The following CIMIP4 variants were observed in gnomAD, a reference collection of about 807,000 sequenced individuals.
CIMIP4 encodes protein EAN57.
chr22:36,991,420 C>T, the CIMIP4 span: 417,593 of 1,580,000 alleles, frequency 0.26, 56,961 homozygotes, highest in Middle Eastern at 0.31. Context: ...CCCTTAGAGC[C>T]AACACACCCT....
At chr22:37,004,439 C>T in the CIMIP4 span, among the ~76,000 whole-genome samples, 2 of 152,190 alleles carry the variant, frequency 1.3e-5, no homozygotes, top group African/African-American at 2.4e-5. Context: ...CTGTGAAGCC[C>T]ATTGCCCCGG....
the CIMIP4 span, chr22:36,999,905 T>A: frequency 5.6e-6 from 9 of 1,613,878 alleles, no homozygotes; most frequent in Non-Finnish European, 7.6e-6. Context: ...GGAGGAGATT[T>A]CCACAGGATT....
chr22:36,993,361 G>T, the CIMIP4 span, among the ~76,000 whole-genome samples: 1 of 152,050 alleles, frequency 6.6e-6, no homozygotes, highest in Non-Finnish European at 1.5e-5. Context: ...CAAATGCCTA[G>T]ATTAACTTTA....
At chr22:36,999,537 GGA>G in the CIMIP4 span, among the ~76,000 whole-genome samples, 2 of 42,754 alleles carry the variant, frequency 4.7e-5, no homozygotes, top group Non-Finnish European at 8.4e-5. Context: ...GGAGGGGAGG[GGA>G]GGGGAGGGGA....
the CIMIP4 span, among the ~76,000 whole-genome samples, chr22:36,993,311 A>C: frequency 2.0e-5 from 3 of 152,276 alleles, no homozygotes; most frequent in Admixed American, 6.5e-5. Flanking sequence ...CGCCCAGCCA[A>C]AGTTAAAGCC....
At chr22:37,002,212 G>A in the CIMIP4 span, 2 of 1,474,822 alleles carry the variant, frequency 1.4e-6, no homozygotes, top group South Asian at 1.4e-5. Context: ...TGAACTTGGA[G>A]GTGTCCAAGG....
At chr22:37,002,199 TC>T in the CIMIP4 span, 3 of 1,481,226 alleles carry the variant, frequency 2.0e-6, no homozygotes, top group Middle Eastern at 1.8e-4. Flanking sequence ...AGACCCTGGT[TC>T]TTGAACTTGG....
At chr22:37,005,559 T>G in the CIMIP4 span, among the ~76,000 whole-genome samples, 2 of 151,958 alleles carry the variant, frequency 1.3e-5, no homozygotes, top group Non-Finnish European at 2.9e-5. Flanking sequence ...AACAGTTTTT[T>G]TTTTTTTTTA....
chr22:37,003,777 A>T, the CIMIP4 span, among the ~76,000 whole-genome samples: 2 of 152,066 alleles, frequency 1.3e-5, no homozygotes, highest in Non-Finnish European at 2.9e-5. Context: ...AGGGCTCAGT[A>T]ATTCCGTTCC....
At chr22:37,007,765 A>G in the CIMIP4 span, 1 of 152,268 alleles carries the variant, frequency 6.6e-6, no homozygotes, top group Non-Finnish European at 1.5e-5. Context: ...GAAACACGTG[A>G]ACCACACTGA....
chr22:37,001,054 G>A, the CIMIP4 span, among the ~76,000 whole-genome samples: 15 of 152,110 alleles, frequency 9.9e-5, no homozygotes, highest in Non-Finnish European at 1.8e-4. Context: ...GTTGCTATGA[G>A]GGTTGAGATG....
At chr22:36,997,058 ATGCCTGAGCTC>A in the CIMIP4 span, among the ~76,000 whole-genome samples, 1 of 152,202 alleles carries the variant, frequency 6.6e-6, no homozygotes, top group Non-Finnish European at 1.5e-5. Context: ...TGCCCAAGGA[ATGCCTGAGCTC>A]GTCATCTCAC....
the CIMIP4 span, among the ~76,000 whole-genome samples, chr22:36,995,516 C>G: frequency 5.3e-5 from 8 of 152,150 alleles, no homozygotes; most frequent in African/African-American, 1.9e-4. Context: ...CACATGGTTC[C>G]CCCGCAGCCC....
At chr22:37,003,905 C>G in the CIMIP4 span, 2 of 1,504,636 alleles carry the variant, frequency 1.3e-6, no homozygotes, top group Non-Finnish European at 1.8e-6. Context: ...CCTGCTGCCC[C>G]AGGGAGTCCC....
chr22:36,991,128 C>T, the CIMIP4 span: 3 of 1,564,594 alleles, frequency 1.9e-6, no homozygotes, highest in Non-Finnish European at 2.6e-6. Flanking sequence ...CTGAGCCTTT[C>T]CTTATTGTTA....
chr22:36,999,628 G>A, the CIMIP4 span, among the ~76,000 whole-genome samples: 1 of 144,966 alleles, frequency 6.9e-6, no homozygotes, highest in Non-Finnish European at 1.5e-5. Context: ...CTGCCAACTG[G>A]GATGAATCAT....
the CIMIP4 span, among the ~76,000 whole-genome samples, chr22:37,006,771 A>G: frequency 2.6e-5 from 4 of 152,212 alleles, no homozygotes; most frequent in Non-Finnish European, 1.5e-5. Context: ...GTTTCTTGGT[A>G]TAATTCTCTC....
the CIMIP4 span, among the ~76,000 whole-genome samples, chr22:37,003,002 C>T: frequency 7.0e-3 from 1,073 of 152,354 alleles, 5 homozygotes; most frequent in Non-Finnish European, 0.011. Context: ...TGTCTCCTCA[C>T]AGCCTGGCCT....
the CIMIP4 span, among the ~76,000 whole-genome samples, chr22:37,001,184 T>G: frequency 3.6e-4 from 55 of 151,732 alleles, no homozygotes; most frequent in Non-Finnish European, 2.1e-4. Context: ...GAATGCTATA[T>G]CGGGTGGAAA....
Sources: gnomAD v4.1 joint callset for allele counts (sites outside exome capture counted in the v4.1 genomes callset) on GRCh38, gnomAD v4.1.1 for gene constraint, MANE v1.5 for transcripts, NCBI Gene and HGNC (gene_info 2026-07-23, HGNC 2026-07-21) for gene names.